The following COX10 variants were observed in gnomAD, a reference collection of about 807,000 sequenced individuals.
COX10 encodes the protein protoheme IX farnesyltransferase, mitochondrial.
A neutral mutation model predicts 37.3 loss-of-function variants in COX10; 27 were observed. The observed-to-expected ratio is 0.72, with a 90% CI of 0.53 to 1.00. COX10 has a LOEUF of 1.00. COX10 is among the 50% of genes least tolerant of loss of function. The probability of loss-of-function intolerance (pLI) is 0.00; values close to 1 mark genes in which losing one functional copy is unlikely to be tolerated. For synonymous variants in COX10, 222 were observed against 229.1 expected (o/e 0.97, Z 0.28); for missense variants, 475 against 563.2 (o/e 0.84, Z 1.59).
At chr17:14,149,146 T>G (rs1049986221) in intron 4 of COX10, among the ~76,000 whole-genome samples, 1 of 151,650 alleles carries the variant, frequency 6.6e-6, no homozygotes, top group African/African-American at 2.4e-5. Flanking sequence ...TTTTGTCATG[T>G]GAGTATGAGG....
chr17:14,117,687 C>A (rs529627381), intron 4 of COX10, among the ~76,000 whole-genome samples: 65 of 152,162 alleles, frequency 4.3e-4, no homozygotes, highest in Non-Finnish European at 6.2e-4. Context: ...GACCCAGCAT[C>A]TAGAGGTGAG....
intron 3 of COX10, among the ~76,000 whole-genome samples, chr17:14,086,160 A>G (rs1489481064): frequency 1.3e-5 from 2 of 152,130 alleles, no homozygotes; most frequent in Admixed American, 1.3e-4. Context: ...TTCATGTGCA[A>G]AAGTTAATTT....
At chr17:14,154,322 G>A (rs1213613360) in intron 4 of COX10, among the ~76,000 whole-genome samples, 1 of 152,194 alleles carries the variant, frequency 6.6e-6, no homozygotes, top group East Asian at 1.9e-4. Flanking sequence ...AAAAGAGATT[G>A]GCTCTAACAA....
intron 3 of COX10, among the ~76,000 whole-genome samples, chr17:14,084,056 G>A (rs184027661): frequency 6.6e-5 from 10 of 152,198 alleles, no homozygotes; most frequent in African/African-American, 2.4e-4. Flanking sequence ...TTTTCTCCTA[G>A]AGCCTAGAAT....
In COX10 at chr17:14,077,602, G is replaced by A. The variant is rs557993612; in HGVS notation, c.499+546G>A. On this transcript the variant is annotated intron_variant, in intron 3 of 6. Coordinates refer to ENST00000261643, the MANE Select transcript of COX10 (RefSeq NM_001303.4). ...CTAGCATCCTGTGCCAAATTGTATT[G>A]CCATAATTAAGTGATTTGGTTGTCA... 3.3e-5 allele frequency among the ~76,000 whole-genome samples: 5 copies of A among 152,286 alleles called. No individual in the cohort carries two copies. The East Asian group carries it at 9.7e-4, about 29-fold the overall frequency.
rs1297453534 is a variant in COX10, at chr17:14,160,537, A to C, written c.695+590A>C. On this transcript the variant is annotated intron_variant, in intron 5 of 6. Transcript: ENST00000261643. ...TATATATTACAAGCCTAGAAGAATA[A>C]AAAGGGCCAAATGGTTTATACTGAC... Among the ~76,000 whole-genome samples the C allele has an allele frequency of 2.6e-5, 4 of 152,334 alleles. No homozygotes were observed. The East Asian group carries it at 7.7e-4, about 29-fold the overall frequency.
rs151056588 is a variant in COX10 at position 14,156,390 on chromosome 17, C to T, written c.625-3487C>T. ...GACTACAGGCACCCGCCACCGCGCC[C>T]GGCTAATTTTTTGTGTTTTTAGTAG... On this transcript the variant is annotated intron_variant, in intron 4 of 6. Transcript: ENST00000261643. Among the ~76,000 whole-genome samples, 16 of 152,186 alleles carry T rather than the reference C, an allele frequency of 1.1e-4. No homozygotes were observed. In the East Asian group the frequency reaches 2.3e-3, roughly 22 times the overall value.
At chr17:14,170,913 G>A (rs1241365315) in intron 5 of COX10, among the ~76,000 whole-genome samples, 1 of 152,114 alleles carries the variant, frequency 6.6e-6, no homozygotes, top group East Asian at 1.9e-4. Flanking sequence ...ACATTGTTAG[G>A]GAAGAGGTTT....
At chr17:14,077,996 T>C (rs1915194846) in intron 3 of COX10, among the ~76,000 whole-genome samples, 1 of 150,338 alleles carries the variant, frequency 6.7e-6, no homozygotes, top group South Asian at 2.1e-4. Context: ...AGACAACTTC[T>C]CTCCTTAGTG....
At chr17:14,166,972 C>T (rs546023558) in intron 5 of COX10, among the ~76,000 whole-genome samples, 1 of 151,824 alleles carries the variant, frequency 6.6e-6, no homozygotes, top group Non-Finnish European at 1.5e-5. Context: ...TGCCATAGAT[C>T]GTGATTCCTC....
intron 6 of COX10, among the ~76,000 whole-genome samples, chr17:14,197,710 C>T (rs970035217): frequency 6.7e-6 from 1 of 149,592 alleles, no homozygotes; most frequent in Admixed American, 6.6e-5. Flanking sequence ...GCTTTTCTCC[C>T]CGTCACAGTG....
intron 3 of COX10, among the ~76,000 whole-genome samples, chr17:14,099,880 C>CTAG (rs1057037091): frequency 6.6e-6 from 1 of 151,990 alleles, no homozygotes; most frequent in African/African-American, 2.4e-5. Context: ...CTAAGGCCAG[C>CTAG]TAGCTTCATC....
chr17:14,092,658 A>G (rs1915555144), intron 3 of COX10, among the ~76,000 whole-genome samples: 2 of 152,156 alleles, frequency 1.3e-5, no homozygotes, highest in African/African-American at 2.4e-5. Flanking sequence ...CAACTATATT[A>G]TGTGGTTCAC....
At chr17:14,116,158 T>G (rs1916103880) in intron 4 of COX10, among the ~76,000 whole-genome samples, 1 of 152,196 alleles carries the variant, frequency 6.6e-6, no homozygotes, top group Non-Finnish European at 1.5e-5. Flanking sequence ...CTTTGTCATT[T>G]GAAGGCTTTT....
chr17:14,190,189 C>T (rs1419517223), intron 5 of COX10, among the ~76,000 whole-genome samples: 2 of 152,130 alleles, frequency 1.3e-5, no homozygotes, highest in Admixed American at 6.5e-5. Context: ...CTATAAGGAA[C>T]GAAAATGGAA....
intron 2 of COX10, among the ~76,000 whole-genome samples, chr17:14,075,614 TAGC>T (rs2142181252): frequency 6.6e-6 from 1 of 152,286 alleles, no homozygotes; most frequent in East Asian, 1.9e-4. Flanking sequence ...TCACAAATAT[TAGC>T]AGTAGTTATT....
chr17:14,176,394 A>G (rs1394339595), intron 5 of COX10, among the ~76,000 whole-genome samples: 1 of 152,190 alleles, frequency 6.6e-6, no homozygotes, highest in African/African-American at 2.4e-5. Flanking sequence ...CTGTTTAGCC[A>G]GGCTGCCGAT....
chr17:14,123,054 A>C (rs1181872055), intron 4 of COX10, among the ~76,000 whole-genome samples: 3 of 152,110 alleles, frequency 2.0e-5, no homozygotes, highest in Non-Finnish European at 2.9e-5. Context: ...AATGCCTTAC[A>C]TTTTTAGAGC....
chr17:14,192,282 C>T, intron 6 of COX10, 61 bp downstream of exon 6: 1 of 1,613,918 alleles, frequency 6.2e-7, no homozygotes, highest in Admixed American at 1.7e-5. Flanking sequence ...GCATTTCCTC[C>T]CTGAGCTGTA....
Sources: gnomAD v4.1 joint callset for allele counts (sites outside exome capture counted in the v4.1 genomes callset) on GRCh38, gnomAD v4.1.1 for gene constraint, MANE v1.5 for transcripts, NCBI Gene and HGNC (gene_info 2026-07-23, HGNC 2026-07-21) for gene names.